Variants in NFKBIZ observed in about 807,000 individuals in gnomAD.
NFKBIZ encodes NF-kappa-B inhibitor zeta.
In NFKBIZ, 19 loss-of-function variants were observed where a neutral mutation model predicts 76.8. The ratio of observed to expected loss-of-function variants is 0.25; its 90% CI spans 0.17 to 0.36. The LOEUF (loss-of-function observed/expected upper bound fraction) is 0.36, where lower values mean the gene tolerates loss of function less well. Ranked by LOEUF, NFKBIZ falls within the 10% of genes least tolerant of loss-of-function variation. NFKBIZ has a pLI of 1.00. For missense variants in NFKBIZ, 829 were observed against 910.9 expected, an observed-to-expected ratio of 0.91 and a Z score of 1.16; for synonymous variants, 368 against 354.8, an observed-to-expected ratio of 1.04 and a Z score of -0.42.
At position 101,859,736 on chromosome 3, in the gene NFKBIZ, C is replaced by T. The variant is rs949301238; in HGVS notation, c.*365C>T. 5.9e-6 allele frequency: 1 copy of T among 168,950 alleles called. No homozygotes were observed. Among genetic ancestry groups the T allele is most frequent in the African/African-American group, 2.4e-5 (1 of 42,016 alleles). The allele number at this position is 168,950 out of a possible 1,614,324, so 10.5% of individuals were successfully genotyped here. On this transcript the variant is annotated 3_prime_UTR_variant, in exon 12 of 12. Coordinates refer to ENST00000326172, the MANE Select transcript of NFKBIZ (RefSeq NM_031419.4). ...CAAAGCAGGTAAATTGTAAATGTTT[C>T]TTTAAGAAAAAGCATGTGAAAGGAA...
At chr3:101,858,169 A>G (rs1943078907) in intron 11 of NFKBIZ, 9 of 985,352 alleles carry the variant, frequency 9.1e-6, no homozygotes, top group Non-Finnish European at 9.6e-6. Context: ...TGGGTAGGTC[A>G]TTACATACTT....
intron 2 of NFKBIZ, among the ~76,000 whole-genome samples, chr3:101,834,972 G>A (rs1942697192): frequency 6.6e-6 from 1 of 152,156 alleles, no homozygotes; most frequent in South Asian, 2.1e-4. Flanking sequence ...TTCTCTTCAA[G>A]TTGGGCCGAT....
chr3:101,851,447 A>T (rs1942961023), intron 1 of NFKBIZ, among the ~76,000 whole-genome samples: 2 of 152,250 alleles, frequency 1.3e-5, no homozygotes, highest in Admixed American at 1.3e-4. Context: ...CAGTGAATTT[A>T]AGCAGCTTTT....
At chr3:101,829,694 AAG>A (rs1942619335) in intron 2 of NFKBIZ, 1 of 152,050 alleles carries the variant, frequency 6.6e-6, no homozygotes, top group Non-Finnish European at 1.5e-5. Context: ...CGAGGGTGAG[AAG>A]GGCTGATATT....
intron 2 of NFKBIZ, among the ~76,000 whole-genome samples, chr3:101,832,314 A>G (rs1004454616): frequency 6.6e-6 from 1 of 152,178 alleles, no homozygotes; most frequent in Non-Finnish European, 1.5e-5. Context: ...GTGATAAAAG[A>G]TACATAAAAG....
In NFKBIZ at chr3:101,859,345, A is replaced by G. The variant is rs149653376; in HGVS notation, c.2131A>G (p.Ile711Val). 3.4e-5 allele frequency: 55 copies of G among 1,613,644 alleles called. No individual in the cohort carries two copies. The highest frequency in any genetic ancestry group is 4.4e-5 in the Non-Finnish European group (52 of 1,179,716). Reference protein sequence around the residue: ...QIRRILKGKSIQQRAPPY With the variant: ...QIRRILKGKSVQQRAPPY ...CCGACGTATCCTGAAGGGAAAGTCC[A>G]TTCAGCAGAGAGCTCCACCGTATTA... is the stretch of plus-strand genomic sequence containing the variant. The change falls in exon 12 of 12, where the codon ATT (isoleucine) becomes GTT (valine). Residue 711 changes from isoleucine (I) to valine (V), a missense_variant. Coordinates refer to ENST00000326172, the MANE Select transcript of NFKBIZ (RefSeq NM_031419.4).
chr3:101,856,355 G>T (rs965312239), intron 9 of NFKBIZ, among the ~76,000 whole-genome samples: 1 of 152,154 alleles, frequency 6.6e-6, no homozygotes, highest in Non-Finnish European at 1.5e-5. Context: ...CGGCCAAGAA[G>T]CCCAGATTTT....
rs760180477 is a variant in NFKBIZ at position 101,855,905 on chromosome 3, A to G, written c.1824+3A>G. The G allele has an allele frequency of 6.2e-7, 1 of 1,600,080 alleles. No individual in the cohort carries two copies. Among genetic ancestry groups the G allele is most frequent in the African/African-American group, 1.3e-5 (1 of 74,332 alleles). ...TGGGAGCAGCGGTGGAAGCGAAGGT[A>G]AATTCACAGAAAAGGTTTAAGATGG... On this transcript the variant is annotated splice_donor_region_variant and intron_variant, in intron 9 of 11. Transcript: ENST00000326172.
chr3:101,858,832 T>C (rs1375935106), intron 11 of NFKBIZ, among the ~76,000 whole-genome samples: 1 of 152,048 alleles, frequency 6.6e-6, no homozygotes, highest in African/African-American at 2.4e-5. Flanking sequence ...GATGCTTTAA[T>C]ACTTGGATAT....
rs1942999242 is a variant in NFKBIZ, at chr3:101,853,343, C to A, written c.817C>A (p.Gln273Lys). Reference protein sequence around the residue: ...FSPPQKCQPFQVRGSQQMIDQ... With the variant: ...FSPPQKCQPFKVRGSQQMIDQ... Reference sequence around the variant, plus strand: ...TCCACCTCAGAAATGCCAACCATTCCAAGTCAGGGGCTCCCAACAAATGAT... The same window carrying A: ...TCCACCTCAGAAATGCCAACCATTCAAAGTCAGGGGCTCCCAACAAATGAT... Residue 273 changes from glutamine to lysine, a missense_variant, in exon 5 of 12, where the codon CAA (glutamine) becomes AAA (lysine). This residue lies in a region of NFKBIZ where 371 missense variants were observed against 332.3 expected (regional missense o/e 1.12). Coordinates refer to ENST00000326172, the MANE Select transcript of NFKBIZ (RefSeq NM_031419.4). 6.2e-7 allele frequency: 1 copy of A among 1,613,986 alleles called. No individual in the cohort carries two copies. The highest frequency in any genetic ancestry group is 8.5e-7 in the Non-Finnish European group (1 of 1,180,036).
intron 2 of NFKBIZ, among the ~76,000 whole-genome samples, chr3:101,839,119 T>G (rs942870240): frequency 6.6e-6 from 1 of 152,184 alleles, no homozygotes; most frequent in African/African-American, 2.4e-5. Flanking sequence ...ATCTTAAATA[T>G]TTTTATAACT....
At chr3:101,855,678 G>T in intron 8 of NFKBIZ, 55 bp from the exon 9 acceptor site, 2 of 1,524,100 alleles carry the variant, frequency 1.3e-6, no homozygotes, top group South Asian at 2.6e-5. Flanking sequence ...ATTATAGAAG[G>T]ACCAAAAGAC....
At chr3:101,829,102 G>T (rs1942604900) in intron 1 of NFKBIZ, among the ~76,000 whole-genome samples, 1 of 152,174 alleles carries the variant, frequency 6.6e-6, no homozygotes. Flanking sequence ...TAAACAGGCA[G>T]ATAACCCTGC....
chr3:101,828,474 T>C (rs1222151342), intron 1 of NFKBIZ, among the ~76,000 whole-genome samples: 1 of 152,176 alleles, frequency 6.6e-6, no homozygotes, highest in Non-Finnish European at 1.5e-5. Flanking sequence ...TGATGAAGTA[T>C]CATAAATCTA....
Position 101,853,360 on chromosome 3 carries a change from A to T in NFKBIZ, c.834A>T (p.Gln278His). The T allele has an allele frequency of 6.2e-7, 1 of 1,614,128 alleles. No homozygotes were observed. The highest frequency in any genetic ancestry group is 1.3e-5 in the African/African-American group (1 of 75,010). The change falls in exon 5 of 12, where the codon CAA (glutamine) becomes CAT (histidine). Residue 278 changes from glutamine to histidine, a missense_variant. Coordinates refer to ENST00000326172, the MANE Select transcript of NFKBIZ (RefSeq NM_031419.4). Reference protein sequence around the residue: ...KCQPFQVRGSQQMIDQASLYQ... With the variant: ...KCQPFQVRGSHQMIDQASLYQ... The stretch of plus-strand genomic sequence containing the variant: ...AACCATTCCAAGTCAGGGGCTCCCA[A>T]CAAATGATAGACCAGGCTTCCCTGT...
At chr3:101,845,436 G>A (rs915665198), upstream of NFKBIZ, among the ~76,000 whole-genome samples, 10 of 151,784 alleles carry the variant, frequency 6.6e-5, 1 homozygote, top group Non-Finnish European at 1.5e-5. Flanking sequence ...TGGGACCACA[G>A]GCATGTGCCA....
At chr3:101,855,950 A>G in intron 9 of NFKBIZ, 48 bp downstream of exon 9, 2 of 1,503,290 alleles carry the variant, frequency 1.3e-6, no homozygotes, top group Admixed American at 2.2e-5. Flanking sequence ...GAAACTGGTT[A>G]TATAGCAAAA....
At chr3:101,856,073 CAG>C in intron 9 of NFKBIZ, 171 bp downstream of exon 9, 3 of 483,418 alleles carry the variant, frequency 6.2e-6, no homozygotes, top group East Asian at 3.6e-5. Flanking sequence ...TTTTTTGAGA[CAG>C]AGTCTCACTG....
Position 101,849,776 on chromosome 3 carries a change from G to A in NFKBIZ, c.148G>A (p.Ala50Thr). The A allele has an allele frequency of 6.9e-7, 1 of 1,455,210 alleles. No homozygotes were observed. 90.1% of individuals were successfully genotyped at this position (1,455,210 alleles called of 1,614,324 possible). A position where few individuals can be genotyped will look rare whatever the true frequency, so the allele number is the denominator to read the frequency against. The change falls in exon 1 of 12, where the codon GCC becomes ACC. Residue 50 changes from alanine (A) to threonine (T), a missense_variant. Physicochemically the swap from Ala to Thr is moderately conservative, Grantham distance 58. This residue lies in a region of NFKBIZ where 181 missense variants were observed against 175.3 expected (regional missense o/e 1.03). Coordinates refer to ENST00000326172, the MANE Select transcript of NFKBIZ (RefSeq NM_031419.4). ...PPAAAPGACD[A>T]SCSVLGPSAP... ...CGCCGCCGCCCCGGGCGCCTGCGAC[G>A]CCAGCTGCTCGGTCTTGGGCCCCTC...
Sources: gnomAD v4.1 joint callset for allele counts (sites outside exome capture counted in the v4.1 genomes callset) on GRCh38, gnomAD v4.1.1 for gene constraint, gnomAD v4.1.1 regional missense constraint, MANE v1.5 for transcripts, NCBI Gene and HGNC (gene_info 2026-07-23, HGNC 2026-07-21) for gene names.